Variants in NAALADL2 observed in about 807,000 individuals in gnomAD.
The protein encoded by NAALADL2 is N-acetylated alpha-linked acidic dipeptidase like 2.
In NAALADL2, 76 loss-of-function variants were observed where a neutral mutation model predicts 87.2. The ratio of observed to expected loss-of-function variants is 0.87; its 90% CI spans 0.72 to 1.05. The LOEUF is 1.05. Among genes scored for constraint, NAALADL2 ranks in the 50% least tolerant of loss-of-function variants. The pLI is 0.00. For synonymous variants in NAALADL2, 354 were observed against 331.0 expected, an observed-to-expected ratio of 1.07 and a Z score of -0.75; for missense variants, 1,089 against 945.8, an observed-to-expected ratio of 1.15 and a Z score of -1.99.
chr3:175,588,533 T>C (rs1479292684), intron 10 of NAALADL2, among the ~76,000 whole-genome samples: 1 of 129,298 alleles, frequency 7.7e-6, no homozygotes, highest in Admixed American at 8.2e-5. Context: ...TTCTTTCTTT[T>C]CTTTTTTTTT....
At chr3:175,328,496 A>T (rs934363159) in intron 5 of NAALADL2, among the ~76,000 whole-genome samples, 3 of 152,118 alleles carry the variant, frequency 2.0e-5, no homozygotes, top group East Asian at 1.9e-4. Context: ...CACGGGGAGC[A>T]TCTTCTGTTT....
chr3:175,488,796 A>T (rs1727660819), intron 9 of NAALADL2, among the ~76,000 whole-genome samples: 1 of 152,240 alleles, frequency 6.6e-6, no homozygotes, highest in Admixed American at 6.5e-5. Context: ...CTTAGACCAG[A>T]ATCCCTTCCA....
In NAALADL2 at chr3:175,147,985, G is replaced by A. The variant is rs529694972; in HGVS notation, c.545+50694G>A. 1.2e-3 allele frequency among the ~76,000 whole-genome samples: 177 copies of A among 151,542 alleles called. 3 individuals are homozygous for A. Among genetic ancestry groups the A allele is most frequent in the South Asian group, 6.9e-3 (33 of 4,810 alleles). ...TATGGGAGGCTGAGACAATAGAATCGCTTGAACCCAGGAGGCAGAAGTTGC... is the reference window on the plus strand; with the variant it reads ...TATGGGAGGCTGAGACAATAGAATCACTTGAACCCAGGAGGCAGAAGTTGC... On this transcript the variant is annotated intron_variant, in intron 2 of 13. Coordinates refer to ENST00000454872, the MANE Select transcript of NAALADL2 (RefSeq NM_207015.3).
intron 1 of NAALADL2, among the ~76,000 whole-genome samples, chr3:174,917,122 G>A (rs947706338): frequency 1.8e-4 from 27 of 151,916 alleles, no homozygotes; most frequent in African/African-American, 4.1e-4. Context: ...CAGCAATTCC[G>A]ATTTTAAAGT....
chr3:175,791,050 C>G (rs1174037543), intron 13 of NAALADL2, among the ~76,000 whole-genome samples: 1 of 152,144 alleles, frequency 6.6e-6, no homozygotes, highest in Non-Finnish European at 1.5e-5. Flanking sequence ...TCCATTGCAT[C>G]TGAATCTCTT....
chr3:175,102,255 T>C (rs1035746404), intron 2 of NAALADL2, among the ~76,000 whole-genome samples: 1 of 152,316 alleles, frequency 6.6e-6, no homozygotes, highest in African/African-American at 2.4e-5. Flanking sequence ...TCTGATGAAT[T>C]CCTGGAAACA....
intron 4 of NAALADL2, among the ~76,000 whole-genome samples, chr3:175,260,985 T>C (rs1166792405): frequency 1.3e-5 from 2 of 152,110 alleles, no homozygotes; most frequent in Non-Finnish European, 2.9e-5. Context: ...CAAATGGCTT[T>C]CTGATATGTG....
At chr3:175,346,258 A>T (rs1581516173) in intron 5 of NAALADL2, among the ~76,000 whole-genome samples, 1 of 152,094 alleles carries the variant, frequency 6.6e-6, no homozygotes, top group Non-Finnish European at 1.5e-5. Flanking sequence ...GATTTTTTTT[A>T]GCCACTCTTT....
At position 175,014,383 on chromosome 3, in the gene NAALADL2, A is replaced by G. The variant is rs1374559481; in HGVS notation, c.44-82407A>G. Reference sequence around the variant, plus strand: ...TACTCCCTATTCTTAATCATTTTTAACATAATTTGATGTTAAATAGAACAC... The same window carrying G: ...TACTCCCTATTCTTAATCATTTTTAGCATAATTTGATGTTAAATAGAACAC... On this transcript the variant is annotated intron_variant, in intron 1 of 13. Transcript: ENST00000454872. Among the ~76,000 whole-genome samples the G allele has an allele frequency of 2.0e-5, 3 of 152,078 alleles. No individual in the cohort carries two copies. The East Asian group carries it at 5.8e-4, about 29-fold the overall frequency.
At chr3:174,833,232 C>T (rs190352088) in intron 3 of NAALADL2, among the ~76,000 whole-genome samples, 248 of 152,186 alleles carry the variant, frequency 1.6e-3, no homozygotes, top group Middle Eastern at 3.4e-3. Flanking sequence ...TGAGAAATGT[C>T]AAGGTCATTT....
intron 9 of NAALADL2, among the ~76,000 whole-genome samples, chr3:175,519,733 T>G (rs1181380841): frequency 1.3e-5 from 2 of 152,152 alleles, no homozygotes; most frequent in South Asian, 2.1e-4. Flanking sequence ...ATCACTAGAA[T>G]GCTATAAAAG....
intron 2 of NAALADL2, among the ~76,000 whole-genome samples, chr3:175,176,295 C>T (rs1401284912): frequency 3.3e-5 from 5 of 151,926 alleles, no homozygotes; most frequent in African/African-American, 1.2e-4. Context: ...ATAATAGCAA[C>T]ACTTGGTTTA....
At chr3:175,201,763 G>T (rs1740062488) in intron 2 of NAALADL2, among the ~76,000 whole-genome samples, 2 of 149,374 alleles carry the variant, frequency 1.3e-5, no homozygotes, top group Non-Finnish European at 1.5e-5. Flanking sequence ...TGCCTAGCTA[G>T]CTTGTTATTC....
intron 5 of NAALADL2, chr3:175,369,708 T>C (rs543287323): frequency 7.2e-5 from 11 of 152,382 alleles, no homozygotes; most frequent in Non-Finnish European, 1.6e-4. Context: ...GAAAATATTT[T>C]GCCTGAAAGA....
At chr3:174,765,477 T>G (rs183624114) in intron 3 of NAALADL2, among the ~76,000 whole-genome samples, 69 of 152,286 alleles carry the variant, frequency 4.5e-4, no homozygotes, top group Non-Finnish European at 8.4e-4. Context: ...GGTTTTATGT[T>G]AGGTGGGCAG....
chr3:174,851,433 A>G (rs1318489918), intron 3 of NAALADL2, among the ~76,000 whole-genome samples: 3 of 151,916 alleles, frequency 2.0e-5, no homozygotes, highest in African/African-American at 4.8e-5. Flanking sequence ...AGGAGACATT[A>G]CAACCGATAG....
chr3:175,674,696 A>G (rs1392039107), intron 11 of NAALADL2, among the ~76,000 whole-genome samples: 1 of 151,974 alleles, frequency 6.6e-6, no homozygotes. Flanking sequence ...TTTTGTTTTT[A>G]TGTTTAAAAA....
rs181424439 is a variant in NAALADL2, at chr3:175,181,466, C to G, written c.546-52465C>G. ...TTTGCACCCTTTGATCGACATCTCC[C>G]AATTCTTCCCTGCCCCTAAATTCTG... On this transcript the variant is annotated intron_variant, in intron 2 of 13. Coordinates refer to ENST00000454872, the MANE Select transcript of NAALADL2 (RefSeq NM_207015.3). Among the ~76,000 whole-genome samples the G allele has an allele frequency of 2.6e-5, 4 of 151,610 alleles. No individual in the cohort carries two copies. The East Asian group carries it at 7.8e-4, about 30-fold the overall frequency.
chr3:174,917,733 A>ATT (rs11331779), intron 1 of NAALADL2, among the ~76,000 whole-genome samples: 23 of 147,814 alleles, frequency 1.6e-4, no homozygotes, highest in Admixed American at 6.1e-4. Flanking sequence ...TCTATTTGTT[A>ATT]TTTTTTTTTT....
Sources: allele counts gnomAD v4.1 joint callset (sites outside exome capture counted in the v4.1 genomes callset), GRCh38; gene constraint gnomAD v4.1.1; transcripts MANE v1.5; gene names NCBI Gene and HGNC (gene_info 2026-07-23, HGNC 2026-07-21).